The following WARS2 variants were observed in gnomAD, a reference collection of about 807,000 sequenced individuals.
The protein encoded by WARS2 is tryptophan--tRNA ligase, mitochondrial.
WARS2 carries 28 observed loss-of-function variants against 36.5 expected under a neutral mutation model. That is an observed-to-expected ratio of 0.77 (90% CI 0.57 to 1.05). The LOEUF is 1.05. Among genes scored for constraint, WARS2 ranks in the 50% least tolerant of loss-of-function variants. The pLI, the probability that WARS2 is intolerant of heterozygous loss-of-function variation, is 0.00. For synonymous variants in WARS2, 174 were observed against 178.4 expected, an observed-to-expected ratio of 0.98 and a Z score of 0.20; for missense variants, 435 against 456.8, an observed-to-expected ratio of 0.95 and a Z score of 0.44.
In WARS2 at chr1:119,076,546, T is replaced by C; in HGVS notation, c.152A>G (p.Asn51Ser). ...IQPTGILHLG[N>S]YLGAIESWVR... The stretch of plus-strand genomic sequence containing the variant: ...CCAGCTCTCAATGGCTCCCAGGTAA[T>C]TGCCCAGGTGGAGGATTCCTGTAGG... Residue 51 changes from asparagine to serine, a missense_variant, in exon 2 of 6, where the codon AAT becomes AGT. Physicochemically the swap from Asn to Ser is conservative, Grantham distance 46. Coordinates refer to ENST00000235521, the MANE Select transcript of WARS2 (RefSeq NM_015836.4). 6.2e-7 allele frequency: 1 copy of C among 1,614,162 alleles called. No individual in the cohort carries two copies. The highest frequency in any genetic ancestry group is 8.5e-7 in the Non-Finnish European group (1 of 1,180,012).
chr1:119,085,156 G>T (rs1408781555), intron 1 of WARS2: 9 of 792,566 alleles, frequency 1.1e-5, no homozygotes, highest in Non-Finnish European at 2.1e-5. Flanking sequence ...CCTGAGCTCC[G>T]CCCTCTGTCC....
At chr1:119,060,902 T>C (rs1449675715) in intron 2 of WARS2, among the ~76,000 whole-genome samples, 1 of 152,176 alleles carries the variant, frequency 6.6e-6, no homozygotes, top group Admixed American at 6.5e-5. Flanking sequence ...TATAGCCTTA[T>C]ATTCTATGTA....
intron 2 of WARS2, among the ~76,000 whole-genome samples, chr1:119,049,537 G>A (rs1649156515): frequency 6.6e-6 from 1 of 152,144 alleles, no homozygotes; most frequent in Admixed American, 6.6e-5. Context: ...AGACCTTGCT[G>A]ATGACCTCCA....
intron 2 of WARS2, among the ~76,000 whole-genome samples, chr1:119,057,983 G>C (rs1290619501): frequency 2.0e-5 from 3 of 152,066 alleles, no homozygotes; most frequent in Non-Finnish European, 4.4e-5. Flanking sequence ...TGTATCAATA[G>C]TTTCTCTTAT....
At chr1:119,101,553 T>C (rs1460477085) in intron 1 of WARS2, among the ~76,000 whole-genome samples, 1 of 152,228 alleles carries the variant, frequency 6.6e-6, no homozygotes, top group Non-Finnish European at 1.5e-5. Flanking sequence ...AAGCAGTGTC[T>C]GTCCCTGTCC....
intron 1 of WARS2, among the ~76,000 whole-genome samples, chr1:119,083,216 G>A (rs923208327): frequency 2.6e-5 from 4 of 152,024 alleles, no homozygotes; most frequent in East Asian, 1.9e-4. Context: ...GTGACAGAGC[G>A]CTACTCCATC....
rs80017235 is a variant in WARS2 at position 119,117,149 on chromosome 1, T to C, written c.90+23406A>G. On this transcript the variant is annotated intron_variant, in intron 1 of 5. Transcript: ENST00000235521. ...ATGGGAGTGGAGTGAGGCATGTCAC[T>C]GCCAGCTTTCCCCCACTTGTCTGGT... is the stretch of plus-strand genomic sequence containing the variant. Among the ~76,000 whole-genome samples the C allele has an allele frequency of 7.9e-3, 1,208 of 152,216 alleles. 28 individuals carry two copies. Among genetic ancestry groups the C allele is most frequent in the East Asian group, 0.063 (324 of 5,156 alleles).
At chr1:119,127,138 T>C in intron 1 of WARS2, 1 of 729,780 alleles carries the variant, frequency 1.4e-6, no homozygotes. Context: ...ATTCCTTGGG[T>C]CCTGGTGACT....
intron 2 of WARS2, among the ~76,000 whole-genome samples, chr1:119,072,223 A>T (rs1651378763): frequency 6.6e-6 from 1 of 152,186 alleles, no homozygotes. Context: ...TCACCCATGA[A>T]CAAACTGAAG....
intron 4 of WARS2, among the ~76,000 whole-genome samples, chr1:119,035,784 T>C (rs1448218697): frequency 3.9e-5 from 6 of 152,152 alleles, no homozygotes; most frequent in Non-Finnish European, 8.8e-5. Context: ...AAAATATAAA[T>C]GGTATGTTAC....
intron 2 of WARS2, among the ~76,000 whole-genome samples, chr1:119,075,460 G>A (rs888852880): frequency 2.1e-4 from 32 of 151,958 alleles, no homozygotes; most frequent in Admixed American, 1.0e-3. Context: ...TACTCTTTTC[G>A]TTTATCACAT....
intron 1 of WARS2, among the ~76,000 whole-genome samples, chr1:119,138,239 A>C (rs1034860152): frequency 2.0e-5 from 3 of 152,206 alleles, no homozygotes; most frequent in Non-Finnish European, 4.4e-5. Flanking sequence ...CTGTTCACAA[A>C]ATCCCTTTGA....
At chr1:119,126,756 A>G in intron 1 of WARS2, 1 of 737,488 alleles carries the variant, frequency 1.4e-6, no homozygotes, top group Non-Finnish European at 2.5e-6. Flanking sequence ...GTCTTTTCCA[A>G]TACTGTCTGG....
intron 4 of WARS2, among the ~76,000 whole-genome samples, chr1:119,039,613 T>C (rs1291562436): frequency 1.3e-5 from 2 of 152,220 alleles, no homozygotes; most frequent in Non-Finnish European, 2.9e-5. Flanking sequence ...TTCAAATTTC[T>C]TGTACTTATC....
intron 1 of WARS2, among the ~76,000 whole-genome samples, chr1:119,132,790 T>C (rs1236533087): frequency 1.3e-5 from 2 of 152,164 alleles, no homozygotes; most frequent in African/African-American, 4.8e-5. Flanking sequence ...TAAAGCCTCA[T>C]CACCATTCTA....
intron 1 of WARS2, chr1:119,127,222 G>A (rs1048988235): frequency 1.6e-5 from 12 of 737,662 alleles, no homozygotes. Flanking sequence ...TTCGAAAATG[G>A]ATCGACCACT....
At chr1:119,040,723 A>T (rs970869328) in intron 4 of WARS2, among the ~76,000 whole-genome samples, 36 of 152,242 alleles carry the variant, frequency 2.4e-4, no homozygotes, top group African/African-American at 8.4e-4. Context: ...TAGTCACAGT[A>T]CTGCCTGGCC....
At chr1:119,139,638 T>C (rs1656793405) in intron 1 of WARS2, 3 of 152,216 alleles carry the variant, frequency 2.0e-5, no homozygotes, top group African/African-American at 4.8e-5. Context: ...ACAGTTACAA[T>C]AGGTGCGACA....
chr1:119,039,880 CAG>C (rs1157325086), intron 4 of WARS2, among the ~76,000 whole-genome samples: 1 of 151,704 alleles, frequency 6.6e-6, no homozygotes, highest in Non-Finnish European at 1.5e-5. Flanking sequence ...AAAAAAAACA[CAG>C]ATGTTTTATC....
Sources: allele counts gnomAD v4.1 joint callset (sites outside exome capture counted in the v4.1 genomes callset), GRCh38; gene constraint gnomAD v4.1.1; transcripts MANE v1.5; gene names NCBI Gene and HGNC (gene_info 2026-07-23, HGNC 2026-07-21).